The following NWD2 variants were observed in gnomAD, a reference collection of about 807,000 sequenced individuals.
NWD2 encodes NACHT and WD repeat domain-containing protein 2.
A neutral mutation model predicts 132.7 loss-of-function variants in NWD2; 37 were observed. The observed-to-expected ratio is 0.28, with a 90% confidence interval of 0.21 to 0.37. NWD2 has a LOEUF of 0.37. NWD2 is among the 10% of genes least tolerant of loss of function. The probability of loss-of-function intolerance (pLI) is 1.00; values close to 1 mark genes in which losing one functional copy is unlikely to be tolerated. For synonymous variants in NWD2, 705 were observed against 803.0 expected (o/e 0.88, Z 2.06); for missense variants, 1,592 against 2,122.4 (o/e 0.75, Z 4.91).
chr4:37,388,806 C>T (rs976712484), intron 3 of NWD2, among the ~76,000 whole-genome samples: 3 of 149,806 alleles, frequency 2.0e-5, no homozygotes, highest in Admixed American at 2.0e-4. Context: ...GCATAACCAT[C>T]ACCACAAAAA....
intron 1 of NWD2, among the ~76,000 whole-genome samples, chr4:37,317,936 A>G (rs575932514): frequency 2.1e-4 from 32 of 151,852 alleles, no homozygotes; most frequent in Non-Finnish European, 2.1e-4. Flanking sequence ...TGTTTTCATT[A>G]TGATACAAAC....
In NWD2 at chr4:37,349,303, C is replaced by T. The variant is rs199580071; in HGVS notation, c.241-7063C>T. On this transcript the variant is annotated intron_variant, in intron 2 of 6. Transcript: ENST00000309447. ...AGCTAATTTACACTCCCACCAACAG[C>T]GTGAAAGCGTTCTGACTTTTCCACA... 6.6e-5 allele frequency among the ~76,000 whole-genome samples: 10 copies of T among 152,106 alleles called. No homozygotes were observed. In the East Asian group the frequency reaches 1.2e-3, roughly 18 times the overall value.
chr4:37,313,861 C>T (rs1004909090), intron 1 of NWD2, among the ~76,000 whole-genome samples: 1 of 150,782 alleles, frequency 6.6e-6, no homozygotes, highest in African/African-American at 2.5e-5. Context: ...CACACGCCCT[C>T]CTAATTGTTG....
At chr4:37,423,341 A>G (rs546368875) in intron 3 of NWD2, among the ~76,000 whole-genome samples, 3 of 152,302 alleles carry the variant, frequency 2.0e-5, no homozygotes, top group Non-Finnish European at 2.9e-5. Flanking sequence ...CTCCCCCTGT[A>G]TTAGAGTTCT....
At chr4:37,348,029 A>G (rs1045088847) in intron 2 of NWD2, among the ~76,000 whole-genome samples, 2 of 152,186 alleles carry the variant, frequency 1.3e-5, no homozygotes, top group Non-Finnish European at 2.9e-5. Flanking sequence ...TCAGTATGTT[A>G]TCACAATTTT....
chr4:37,272,064 G>A (rs1267535310), intron 1 of NWD2, among the ~76,000 whole-genome samples: 1 of 151,630 alleles, frequency 6.6e-6, no homozygotes, highest in Admixed American at 6.6e-5. Flanking sequence ...ATGATTATAT[G>A]TTTTTTATTC....
intron 5 of NWD2, among the ~76,000 whole-genome samples, chr4:37,435,304 G>A (rs953242194): frequency 3.3e-5 from 5 of 152,170 alleles, no homozygotes; most frequent in Non-Finnish European, 7.3e-5. Flanking sequence ...AACCTAAAAG[G>A]CACTTGGTAA....
Position 37,310,628 on chromosome 4 carries a change from AT to A in NWD2, c.152-15298del, listed in dbSNP as rs201940124. On this transcript the variant is annotated intron_variant, in intron 1 of 6. Coordinates refer to ENST00000309447, the MANE Select transcript of NWD2 (RefSeq NM_001144990.2). Reference sequence around the variant, plus strand: ...TTGAAGCATGGTGCTAGCTGTAGGGATTTTTTTTTTAATTATTATTATACTT... The same window carrying A: ...TTGAAGCATGGTGCTAGCTGTAGGGATTTTTTTTTAATTATTATTATACTT... 4.2e-3 allele frequency among the ~76,000 whole-genome samples: 630 copies of A among 150,584 alleles called. 7 individuals are homozygous for A. The highest frequency in any genetic ancestry group is 0.013 in the African/African-American group (518 of 40,938).
chr4:37,260,489 GCC>G (rs1560379167), intron 1 of NWD2, among the ~76,000 whole-genome samples: 2 of 152,118 alleles, frequency 1.3e-5, no homozygotes, highest in African/African-American at 4.8e-5. Flanking sequence ...CTACTCGATT[GCC>G]TGAAAAATAG....
intron 1 of NWD2, among the ~76,000 whole-genome samples, chr4:37,312,815 A>G (rs1448855479): frequency 6.6e-6 from 1 of 151,178 alleles, no homozygotes. Context: ...TCAATACCTA[A>G]CTTATTGAGA....
At chr4:37,348,675 T>TATATATATATATAC (rs1308407988) in intron 2 of NWD2, among the ~76,000 whole-genome samples, 10 of 22,566 alleles carry the variant, frequency 4.4e-4, no homozygotes, top group Non-Finnish European at 6.1e-4. Flanking sequence ...TATATATATA[T>TATATATATATATAC]ACACACACAC....
At chr4:37,381,210 C>T (rs528323259) in intron 3 of NWD2, among the ~76,000 whole-genome samples, 28 of 152,098 alleles carry the variant, frequency 1.8e-4, no homozygotes, top group Non-Finnish European at 3.2e-4. Context: ...GCAGACAGAG[C>T]CCAGAGTGAG....
intron 3 of NWD2, among the ~76,000 whole-genome samples, chr4:37,364,167 A>C (rs2109303325): frequency 6.6e-6 from 1 of 152,250 alleles, no homozygotes; most frequent in African/African-American, 2.4e-5. Flanking sequence ...TAGACAACTT[A>C]CACTCTGCTG....
chr4:37,391,212 A>T (rs1166873873), intron 3 of NWD2, among the ~76,000 whole-genome samples: 1 of 152,250 alleles, frequency 6.6e-6, no homozygotes, highest in African/African-American at 2.4e-5. Flanking sequence ...AAAACTCCAC[A>T]GCTTGTAAAG....
chr4:37,287,540 C>T (rs888418163), intron 1 of NWD2, among the ~76,000 whole-genome samples: 1 of 152,212 alleles, frequency 6.6e-6, no homozygotes. Flanking sequence ...GCCAGAGCAC[C>T]TCTTCAGACC....
intron 1 of NWD2, among the ~76,000 whole-genome samples, chr4:37,288,614 G>T (rs1718293758): frequency 6.6e-6 from 1 of 152,176 alleles, no homozygotes; most frequent in Non-Finnish European, 1.5e-5. Context: ...GCAAACTATT[G>T]TTTCCATGGA....
chr4:37,329,838 A>G (rs1265920880), intron 2 of NWD2, among the ~76,000 whole-genome samples: 1 of 152,210 alleles, frequency 6.6e-6, no homozygotes, highest in Non-Finnish European at 1.5e-5. Flanking sequence ...GCAGGAAAAT[A>G]GTGCAAACAG....
intron 3 of NWD2, among the ~76,000 whole-genome samples, chr4:37,413,542 T>C (rs1204570805): frequency 6.6e-6 from 1 of 152,136 alleles, no homozygotes; most frequent in African/African-American, 2.4e-5. Context: ...ATTAGTTCAA[T>C]CATTGTGGAA....
chr4:37,289,970 A>C (rs923141632), intron 1 of NWD2, among the ~76,000 whole-genome samples: 1 of 151,880 alleles, frequency 6.6e-6, no homozygotes, highest in Non-Finnish European at 1.5e-5. Flanking sequence ...TCTATTTTTC[A>C]TTTTCACATC....
Sources: allele counts gnomAD v4.1 joint callset (sites outside exome capture counted in the v4.1 genomes callset), GRCh38; gene constraint gnomAD v4.1.1; transcripts MANE v1.5; gene names NCBI Gene and HGNC (gene_info 2026-07-23, HGNC 2026-07-21).